SEC11A: variants seen among roughly 807,000 people sequenced by gnomAD.
SEC11A encodes SEC11 homolog A, signal peptidase complex subunit.
In SEC11A, 14 loss-of-function variants were observed where a neutral mutation model predicts 25.6. The ratio of observed to expected loss-of-function variants is 0.55; its 90% confidence interval spans 0.36 to 0.85. The LOEUF (loss-of-function observed/expected upper bound fraction) is 0.85. SEC11A is among the 40% of genes least tolerant of loss of function. The pLI is 0.01. For missense variants in SEC11A, 153 were observed against 222.9 expected (o/e 0.69, Z 2.00); for synonymous variants, 83 against 76.4 (o/e 1.09, Z -0.45).
chr15:84,706,008 T>G (rs1292356114), intron 1 of SEC11A, among the ~76,000 whole-genome samples: 1 of 151,720 alleles, frequency 6.6e-6, no homozygotes, highest in Non-Finnish European at 1.5e-5. Flanking sequence ...GCTTCCTGGG[T>G]TCATGCGATT....
chr15:84,680,501 T>G (rs1025053043), intron 4 of SEC11A, among the ~76,000 whole-genome samples: 1 of 152,182 alleles, frequency 6.6e-6, no homozygotes, highest in Non-Finnish European at 1.5e-5. Context: ...TTCTATTCTT[T>G]TATTGCACCC....
At chr15:84,686,063 A>G (rs752502410) in intron 3 of SEC11A, 3 of 151,984 alleles carry the variant, frequency 2.0e-5, no homozygotes, top group South Asian at 2.1e-4. Flanking sequence ...CAGCCTCCCA[A>G]AGTGCTGAGA....
intron 1 of SEC11A, among the ~76,000 whole-genome samples, chr15:84,711,781 C>CAAAA (rs60088964): frequency 3.2e-5 from 3 of 93,078 alleles, no homozygotes; most frequent in African/African-American, 8.6e-5. Flanking sequence ...GACTCTATCT[C>CAAAA]AAAAAAAAAA....
chr15:84,673,905 C>T (rs1897067879), intron 4 of SEC11A: 1 of 151,710 alleles, frequency 6.6e-6, no homozygotes, highest in Admixed American at 6.6e-5. Context: ...GAGACTCTGT[C>T]TCAAAAAATA....
chr15:84,676,694 G>A (rs963638015), intron 4 of SEC11A, among the ~76,000 whole-genome samples: 15 of 151,730 alleles, frequency 9.9e-5, no homozygotes, highest in African/African-American at 3.1e-4. Context: ...GCTGAGGCAG[G>A]AGAATCCCTT....
chr15:84,700,261 C>G (rs553069266), intron 1 of SEC11A, among the ~76,000 whole-genome samples: 3 of 151,710 alleles, frequency 2.0e-5, no homozygotes, highest in African/African-American at 7.3e-5. Context: ...AATCAATAAA[C>G]AGAAACAGAC....
At chr15:84,696,023 G>A (rs138443490) in intron 1 of SEC11A, among the ~76,000 whole-genome samples, 95 of 152,142 alleles carry the variant, frequency 6.2e-4, no homozygotes, top group African/African-American at 1.6e-3. Flanking sequence ...AATGAAGCAC[G>A]GTGTACTCAA....
At chr15:84,704,985 T>C (rs12912342) in intron 1 of SEC11A, among the ~76,000 whole-genome samples, 40,010 of 151,512 alleles carry the variant, frequency 0.26, 6,031 homozygotes, top group Middle Eastern at 0.41. Flanking sequence ...AGTACAGTAG[T>C]ATGATCATAG....
chr15:84,699,771 G>GA (rs560752332), intron 1 of SEC11A, among the ~76,000 whole-genome samples: 1 of 150,092 alleles, frequency 6.7e-6, no homozygotes, highest in African/African-American at 2.5e-5. Flanking sequence ...CACGGAAAAA[G>GA]AAAAAAACAA....
Position 84,715,957 on chromosome 15 carries a change from CG to C in SEC11A, c.51+67del, listed in dbSNP as rs954496189. The C allele has an allele frequency of 1.0e-5, 15 of 1,482,358 alleles. No homozygotes were observed. The African/African-American group carries it at 1.4e-4, about 14-fold the overall frequency. The allele number at this position is 1,482,358 out of a possible 1,614,324, so 91.8% of individuals were successfully genotyped here. A position where few individuals can be genotyped will look rare whatever the true frequency, so the allele number is the denominator to read the frequency against. ...CTCACACCAGAACCCTGGGGTCCGC[CG>C]GGCCCCGCAGCAGCAGCCTCGAAGG... On this transcript the variant is annotated intron_variant, in intron 1 of 5. Coordinates refer to ENST00000268220, the MANE Select transcript of SEC11A (RefSeq NM_014300.4).
At chr15:84,701,202 G>A (rs2141912321) in intron 1 of SEC11A, among the ~76,000 whole-genome samples, 1 of 151,442 alleles carries the variant, frequency 6.6e-6, no homozygotes, top group East Asian at 1.9e-4. Context: ...AGGCATGGTG[G>A]CATGCACTTA....
At chr15:84,687,923 C>A in intron 2 of SEC11A, 149 bp from the exon 3 acceptor site, 1 of 701,880 alleles carries the variant, frequency 1.4e-6, no homozygotes, top group Non-Finnish European at 2.2e-6. Context: ...GTATTGTTCT[C>A]AAAATATGGT....
intron 1 of SEC11A, among the ~76,000 whole-genome samples, chr15:84,710,305 T>C (rs566818762): frequency 6.6e-6 from 1 of 152,258 alleles, no homozygotes; most frequent in South Asian, 2.1e-4. Context: ...TTTTAAGATG[T>C]TTAACTTTGA....
At chr15:84,682,400 A>G (rs1897303819) in intron 3 of SEC11A, among the ~76,000 whole-genome samples, 1 of 152,068 alleles carries the variant, frequency 6.6e-6, no homozygotes, top group Non-Finnish European at 1.5e-5. Flanking sequence ...AAATACCTCA[A>G]TTCTTCAGAT....
chr15:84,709,083 C>T (rs1473786305), intron 1 of SEC11A, among the ~76,000 whole-genome samples: 1 of 151,234 alleles, frequency 6.6e-6, no homozygotes, highest in African/African-American at 2.4e-5. Context: ...ACATCCTGGC[C>T]AATAAAAAAA....
At chr15:84,674,481 T>C (rs1897082982) in intron 4 of SEC11A, among the ~76,000 whole-genome samples, 1 of 152,082 alleles carries the variant, frequency 6.6e-6, no homozygotes, top group African/African-American at 2.4e-5. Flanking sequence ...CATGCAATGA[T>C]ATCTATGCCC....
At chr15:84,691,073 CTTTT>C (rs199982469) in intron 2 of SEC11A, among the ~76,000 whole-genome samples, 5 of 132,964 alleles carry the variant, frequency 3.8e-5, no homozygotes, top group African/African-American at 2.8e-5. Context: ...TCTTTTCTCT[CTTTT>C]TTTTTTTTTT....
At chr15:84,715,831 C>A (rs530537595) in intron 1 of SEC11A, among the ~76,000 whole-genome samples, 194 bp downstream of exon 1, 1 of 152,262 alleles carries the variant, frequency 6.6e-6, no homozygotes, top group African/African-American at 2.4e-5. Context: ...CCGGTAGGCC[C>A]TGAATCAGTT....
intron 1 of SEC11A, among the ~76,000 whole-genome samples, chr15:84,703,002 C>T (rs145274936): frequency 1.3e-5 from 2 of 152,224 alleles, no homozygotes; most frequent in African/African-American, 2.4e-5. Context: ...GTAGTACCCA[C>T]GTGACTCAGA....
Sources: allele counts gnomAD v4.1 joint callset (sites outside exome capture counted in the v4.1 genomes callset), GRCh38; gene constraint gnomAD v4.1.1; transcripts MANE v1.5; gene names NCBI Gene and HGNC (gene_info 2026-07-23, HGNC 2026-07-21).